Variants in MSI2 observed in about 807,000 individuals in gnomAD.
The protein encoded by MSI2 is musashi RNA binding protein 2, also known as RNA-binding protein Musashi homolog 2.
Under a neutral mutation model 45.6 loss-of-function variants are expected in MSI2, and 17 were observed. The observed-to-expected ratio is 0.37, with a 90% CI of 0.26 to 0.56. The LOEUF (loss-of-function observed/expected upper bound fraction) is 0.56, where lower values mean the gene tolerates loss of function less well. MSI2 is among the 20% of genes least tolerant of loss of function. The pLI is 0.77. For synonymous variants in MSI2, 156 were observed against 158.2 expected, an observed-to-expected ratio of 0.99 and a Z score of 0.11; for missense variants, 293 against 444.2, an observed-to-expected ratio of 0.66 and a Z score of 3.06.
At chr17:57,303,263 G>C (rs938079657) in intron 5 of MSI2, among the ~76,000 whole-genome samples, 2 of 152,170 alleles carry the variant, frequency 1.3e-5, no homozygotes, top group South Asian at 4.1e-4. Context: ...TAACACTTGG[G>C]GGAGAGAAGC....
At chr17:57,690,611 C>T in the MSI2 span, among the ~76,000 whole-genome samples, 2 of 151,952 alleles carry the variant, frequency 1.3e-5, no homozygotes, top group African/African-American at 4.8e-5. Flanking sequence ...AGTGCAAGAC[C>T]CTGTCTGTCT....
chr17:57,347,942 A>G (rs1915746187), intron 5 of MSI2, among the ~76,000 whole-genome samples: 1 of 152,212 alleles, frequency 6.6e-6, no homozygotes, highest in African/African-American at 2.4e-5. Context: ...AGCGGTGAGC[A>G]AGGTAAGTGC....
chr17:57,571,109 T>G (rs1440443748), intron 7 of MSI2, among the ~76,000 whole-genome samples: 1 of 152,186 alleles, frequency 6.6e-6, no homozygotes, highest in Non-Finnish European at 1.5e-5. Context: ...AGCAGAGGGA[T>G]GCTGTGCCAA....
chr17:57,271,530 A>G (rs1310041004), intron 5 of MSI2, among the ~76,000 whole-genome samples: 1 of 152,062 alleles, frequency 6.6e-6, no homozygotes, highest in Non-Finnish European at 1.5e-5. Context: ...TTCTGGGGAG[A>G]GAGTGCTTCA....
In MSI2 at chr17:57,256,924, C is replaced by G. The variant is rs1268075614; in HGVS notation, c.62+120C>G. 3.5e-5 allele frequency: 17 copies of G among 491,186 alleles called. 1 individual carries two copies. The highest frequency in any genetic ancestry group is 7.3e-4 in the Middle Eastern group (1 of 1,370). 30.4% of individuals were successfully genotyped at this position (491,186 alleles called of 1,614,324 possible). A position where few individuals can be genotyped will look rare whatever the true frequency, so the allele number is the denominator to read the frequency against. ...CCCCCCGCCTCTCCCGCGCGCCCCCCCCGTGGAAGTTACACACCTTTGGAT... is the reference window on the plus strand; with the variant it reads ...CCCCCCGCCTCTCCCGCGCGCCCCCGCCGTGGAAGTTACACACCTTTGGAT... On this transcript the variant is annotated intron_variant, in intron 1 of 13. Coordinates refer to ENST00000284073, the MANE Select transcript of MSI2 (RefSeq NM_138962.4).
At chr17:57,530,155 A>C (rs908322307) in intron 7 of MSI2, among the ~76,000 whole-genome samples, 3 of 152,216 alleles carry the variant, frequency 2.0e-5, no homozygotes, top group African/African-American at 7.2e-5. Context: ...AAAACATTGT[A>C]GGTTCGTTGG....
chr17:57,595,274 A>C (rs34296387), intron 7 of MSI2, among the ~76,000 whole-genome samples: 16,148 of 152,016 alleles, frequency 0.11, 1,104 homozygotes, highest in African/African-American at 0.18. Flanking sequence ...CACAATTATC[A>C]TAATATAATT....
chr17:57,318,517 T>C (rs1478606290), intron 5 of MSI2, among the ~76,000 whole-genome samples: 1 of 151,888 alleles, frequency 6.6e-6, no homozygotes, highest in Non-Finnish European at 1.5e-5. Context: ...CACAGAGGAC[T>C]GGGAATGGGC....
chr17:57,333,441 G>GT (rs558113296), intron 5 of MSI2, among the ~76,000 whole-genome samples: 1,622 of 141,264 alleles, frequency 0.011, 18 homozygotes, highest in Middle Eastern at 0.021. Context: ...GATTTGTACC[G>GT]TTTTTTTTTT....
chr17:57,410,022 A>AAAAAAAAAT (rs1226110048), intron 6 of MSI2, among the ~76,000 whole-genome samples: 1 of 150,240 alleles, frequency 6.7e-6, no homozygotes, highest in African/African-American at 2.5e-5. Flanking sequence ...AAAAAAAAAA[A>AAAAAAAAAT]AAATGGGGAG....
intron 7 of MSI2, among the ~76,000 whole-genome samples, chr17:57,534,574 TG>T (rs2086884771): frequency 6.6e-6 from 1 of 150,714 alleles, no homozygotes; most frequent in Admixed American, 6.7e-5. Flanking sequence ...TAGCCGGGTG[TG>T]GTGGTGGGTG....
At chr17:57,317,906 T>C (rs189592192) in intron 5 of MSI2, among the ~76,000 whole-genome samples, 1 of 152,224 alleles carries the variant, frequency 6.6e-6, no homozygotes, top group Non-Finnish European at 1.5e-5. Context: ...CCCGGCACTT[T>C]GGGAGGCCGA....
intron 11 of MSI2, among the ~76,000 whole-genome samples, chr17:57,672,617 C>G (rs1284330699): frequency 1.3e-5 from 2 of 152,214 alleles, no homozygotes; most frequent in Non-Finnish European, 2.9e-5. Context: ...TCCGGCCAGA[C>G]AAGAAAGAAG....
intron 6 of MSI2, among the ~76,000 whole-genome samples, chr17:57,506,926 G>T (rs949281443): frequency 1.3e-5 from 2 of 152,078 alleles, no homozygotes; most frequent in African/African-American, 4.8e-5. Flanking sequence ...GATCTGTAGG[G>T]TGATTTTCAA....
At chr17:57,563,788 G>C (rs2087658597) in intron 7 of MSI2, among the ~76,000 whole-genome samples, 1 of 118,528 alleles carries the variant, frequency 8.4e-6, no homozygotes, top group Admixed American at 7.9e-5. Context: ...ACACACATAG[G>C]CCTCTGTACA....
intron 5 of MSI2, among the ~76,000 whole-genome samples, chr17:57,371,648 C>A (rs2143964379): frequency 6.6e-6 from 1 of 151,820 alleles, no homozygotes; most frequent in South Asian, 2.1e-4. Flanking sequence ...TTTTTATTGT[C>A]TATGTGGTGT....
At chr17:57,643,633 A>G (rs1159973736) in intron 10 of MSI2, among the ~76,000 whole-genome samples, 2 of 152,202 alleles carry the variant, frequency 1.3e-5, no homozygotes, top group Non-Finnish European at 2.9e-5. Context: ...CTTCTATTTT[A>G]TGCTTCCACA....
chr17:57,560,368 C>T (rs577107382), intron 7 of MSI2, among the ~76,000 whole-genome samples: 79 of 152,340 alleles, frequency 5.2e-4, no homozygotes, highest in Non-Finnish European at 9.4e-4. Flanking sequence ...CGTGCCCCTC[C>T]GAGGAGCCCT....
chr17:57,365,643 A>C (rs1449105621), intron 5 of MSI2, among the ~76,000 whole-genome samples: 10 of 152,116 alleles, frequency 6.6e-5, no homozygotes, highest in Admixed American at 6.6e-4. Flanking sequence ...CAGAGGGGAT[A>C]GTGAGCTCAC....
Sources: gnomAD v4.1 joint callset for allele counts (sites outside exome capture counted in the v4.1 genomes callset) on GRCh38, gnomAD v4.1.1 for gene constraint, MANE v1.5 for transcripts, NCBI Gene and HGNC (gene_info 2026-07-23, HGNC 2026-07-21) for gene names.